CCDC30: variants seen among roughly 807,000 people sequenced by gnomAD.
CCDC30 encodes coiled-coil domain-containing protein 30.
A neutral mutation model predicts 100.2 loss-of-function variants in CCDC30; 70 were observed. The ratio of observed to expected loss-of-function variants is 0.70; its 90% CI spans 0.58 to 0.85. The LOEUF is 0.85. Ranked by LOEUF, CCDC30 falls within the 40% of genes least tolerant of loss-of-function variation. The pLI is 0.00. For missense variants in CCDC30, 652 were observed against 771.2 expected, an observed-to-expected ratio of 0.85 and a Z score of 1.83; for synonymous variants, 233 against 269.5, an observed-to-expected ratio of 0.86 and a Z score of 1.33.
intron 15 of CCDC30, among the ~76,000 whole-genome samples, chr1:42,652,638 TC>T (rs1648451308): frequency 6.6e-6 from 1 of 152,082 alleles, no homozygotes; most frequent in Admixed American, 6.6e-5. Flanking sequence ...CCACTCTCCA[TC>T]CCCTGATGAA....
chr1:42,585,855 A>G, intron 9 of CCDC30, among the ~76,000 whole-genome samples: 1 of 151,990 alleles, frequency 6.6e-6, no homozygotes, highest in Admixed American at 6.6e-5. Flanking sequence ...TTTCTTACTG[A>G]TTTATGGTTT....
chr1:42,604,027 C>T (rs142888996), intron 10 of CCDC30, among the ~76,000 whole-genome samples: 5 of 152,144 alleles, frequency 3.3e-5, no homozygotes, highest in African/African-American at 1.2e-4. Context: ...TGAGACCAAC[C>T]TGAGCAACAT....
chr1:42,646,993 A>G (rs529462897), intron 15 of CCDC30, among the ~76,000 whole-genome samples: 20 of 152,226 alleles, frequency 1.3e-4, no homozygotes, highest in African/African-American at 4.6e-4. Flanking sequence ...CCAGTTACTC[A>G]GGAGGCTGAG....
At chr1:42,530,948 T>G (rs1644796199) in intron 6 of CCDC30, among the ~76,000 whole-genome samples, 1 of 152,182 alleles carries the variant, frequency 6.6e-6, no homozygotes, top group African/African-American at 2.4e-5. Flanking sequence ...GGGGGACTGC[T>G]GTACTTTATT....
chr1:42,478,996 T>G (rs1469959376), intron 1 of CCDC30, among the ~76,000 whole-genome samples: 2 of 152,184 alleles, frequency 1.3e-5, no homozygotes, highest in African/African-American at 2.4e-5. Flanking sequence ...GGTCCTAGAC[T>G]AGTAAAAAAA....
rs1644243200 is a variant in CCDC30, at chr1:42,497,077, CTG to C, written c.242-17_242-16del. 1 of 1,190,974 alleles carries C rather than the reference CTG, an allele frequency of 8.4e-7. No individual in the cohort carries two copies. Among genetic ancestry groups the C allele is most frequent in the Non-Finnish European group, 1.1e-6 (1 of 948,638 alleles). The allele number at this position is 1,190,974 out of a possible 1,614,324, so 73.8% of individuals were successfully genotyped here. A position where few individuals can be genotyped will look rare whatever the true frequency, so the allele number is the denominator to read the frequency against. ...TAAAACTTTGATCCAGTTGAGTAAA[CTG>C]TGTTCTTCTCTGTTTTAGATGCAGC... On this transcript the variant is annotated intron_variant, in intron 4 of 16. Transcript: ENST00000668663.
intron 10 of CCDC30, among the ~76,000 whole-genome samples, chr1:42,606,935 C>T (rs1429377822): frequency 6.6e-6 from 1 of 151,972 alleles, no homozygotes; most frequent in African/African-American, 2.4e-5. Context: ...TGCTAGCAGG[C>T]GTAAAAACCA....
At chr1:42,470,292 A>ATT (rs34306139) in intron 1 of CCDC30, among the ~76,000 whole-genome samples, 24 of 149,938 alleles carry the variant, frequency 1.6e-4, no homozygotes, top group South Asian at 4.2e-4. Context: ...TAGGATGGCT[A>ATT]TTTTTTTTTT....
intron 6 of CCDC30, among the ~76,000 whole-genome samples, chr1:42,516,197 G>A (rs1238884652): frequency 6.6e-6 from 1 of 152,130 alleles, no homozygotes; most frequent in Non-Finnish European, 1.5e-5. Context: ...CCACATCATT[G>A]CCAACATTTG....
chr1:42,556,621 A>C lies in CCDC30; in HGVS notation c.457-9675A>C, dbSNP rs112431872. Among the ~76,000 whole-genome samples the C allele has an allele frequency of 6.2e-3, 947 of 152,312 alleles. 5 individuals carry two copies. Among genetic ancestry groups the C allele is most frequent in the African/African-American group, 0.021 (884 of 41,564 alleles). On this transcript the variant is annotated intron_variant, in intron 6 of 16. Coordinates refer to ENST00000668663, the Ensembl canonical transcript of CCDC30. Reference sequence around the variant, plus strand: ...GGAGAATGGGGCATCCATCCCCTTAAGCATTTATCCTTTGTATTACAAACA... The same window carrying C: ...GGAGAATGGGGCATCCATCCCCTTACGCATTTATCCTTTGTATTACAAACA...
intron 10 of CCDC30, among the ~76,000 whole-genome samples, chr1:42,603,654 CTT>C (rs976013121): frequency 1.3e-5 from 2 of 152,202 alleles, no homozygotes; most frequent in African/African-American, 4.8e-5. Context: ...GAAGCAATAT[CTT>C]TGCATTCATT....
chr1:42,531,627 C>T (rs1200911943), intron 6 of CCDC30, among the ~76,000 whole-genome samples: 3 of 152,038 alleles, frequency 2.0e-5, no homozygotes, highest in East Asian at 1.9e-4. Flanking sequence ...CTAGGCGTGG[C>T]GGCGCATGCC....
chr1:42,573,308 T>C (rs1017497282), intron 7 of CCDC30, among the ~76,000 whole-genome samples: 29 of 152,134 alleles, frequency 1.9e-4, no homozygotes, highest in Non-Finnish European at 5.9e-5. Flanking sequence ...TTTTAATTTC[T>C]CTCAATATTT....
intron 6 of CCDC30, among the ~76,000 whole-genome samples, chr1:42,552,163 C>T (rs1645265437): frequency 6.6e-6 from 1 of 152,144 alleles, no homozygotes; most frequent in Admixed American, 6.5e-5. Context: ...CCAGGTATTG[C>T]TAGTTCTCCT....
intron 6 of CCDC30, 79 bp from the exon 11 acceptor site, chr1:42,566,217 G>A (rs1283756482): frequency 2.8e-5 from 30 of 1,086,326 alleles, no homozygotes; most frequent in Admixed American, 7.2e-5. Flanking sequence ...TGACAATTCC[G>A]GTTCTGACAA....
chr1:42,644,287 C>T (rs1853632), intron 13 of CCDC30, among the ~76,000 whole-genome samples: 1 of 152,128 alleles, frequency 6.6e-6, no homozygotes, highest in Non-Finnish European at 1.5e-5. Flanking sequence ...GGGCAGGAAG[C>T]ATCCAGCATG....
chr1:42,484,356 G>C (rs535514531), intron 3 of CCDC30, among the ~76,000 whole-genome samples: 1 of 152,068 alleles, frequency 6.6e-6, no homozygotes, highest in Non-Finnish European at 1.5e-5. Flanking sequence ...AAATAAATTT[G>C]GTCACATGAA....
At chr1:42,556,380 A>G (rs1157424743) in intron 6 of CCDC30, 1 of 1,613,378 alleles carries the variant, frequency 6.2e-7, no homozygotes, top group Non-Finnish European at 8.5e-7. Flanking sequence ...AGCTCTGGGG[A>G]TAGTTCAGAT....
chr1:42,467,645 C>G (rs923999704), intron 1 of CCDC30: 5 of 152,318 alleles, frequency 3.3e-5, no homozygotes, highest in Admixed American at 3.3e-4. Flanking sequence ...TTATATTGCC[C>G]TCTTAGCTTA....
Sources: allele counts gnomAD v4.1 joint callset (sites outside exome capture counted in the v4.1 genomes callset), GRCh38; gene constraint gnomAD v4.1.1; transcripts MANE v1.5; gene names NCBI Gene and HGNC (gene_info 2026-07-23, HGNC 2026-07-21).